The following USH2A variants were observed in gnomAD, a reference collection of about 807,000 sequenced individuals.
The protein encoded by USH2A is Usher syndrome 2A (autosomal recessive, mild).
In USH2A, 443 loss-of-function variants were observed where a neutral mutation model predicts 538.9. The ratio of observed to expected loss-of-function variants is 0.82; its 90% CI spans 0.76 to 0.89. The LOEUF is 0.89. Among genes scored for constraint, USH2A ranks in the 40% least tolerant of loss-of-function variants. The pLI is 0.00. For synonymous variants in USH2A, 2,413 were observed against 2,273.5 expected, an observed-to-expected ratio of 1.06 and a Z score of -1.75; for missense variants, 6,633 against 6,324.8, an observed-to-expected ratio of 1.05 and a Z score of -1.65.
intron 38 of USH2A, among the ~76,000 whole-genome samples, chr1:215,924,874 T>C (rs920799496): frequency 1.3e-5 from 2 of 152,042 alleles, no homozygotes; most frequent in African/African-American, 4.8e-5. Context: ...ATAATCCACA[T>C]GAGAGTATGC....
In USH2A at chr1:215,759,787, A is replaced by C; in HGVS notation, c.11104T>G (p.Trp3702Gly). ...CCATTGGGCTTTTCTGGCAGACTCC[A>C]ATATAATTCCACTGTTGTAGAATTG... ...IINSTTVELYWSLPEKPNGLV... is the reference protein window; with the variant it reads ...IINSTTVELYGSLPEKPNGLV... The change falls in exon 57 of 72, where the codon TGG becomes GGG. Residue 3702 changes from tryptophan to glycine, a missense_variant. Physicochemically the swap from Trp to Gly is radical, Grantham distance 184. Transcript: ENST00000307340. 6.2e-7 allele frequency: 1 copy of C among 1,614,038 alleles called. No individual in the cohort carries two copies. The highest frequency in any genetic ancestry group is 8.5e-7 in the Non-Finnish European group (1 of 1,179,948).
At chr1:215,876,231 C>T (rs569030516) in intron 43 of USH2A, among the ~76,000 whole-genome samples, 146 of 152,200 alleles carry the variant, frequency 9.6e-4, no homozygotes, top group Non-Finnish European at 1.6e-3. Flanking sequence ...GGATAAGCAA[C>T]ATGGATCTGC....
chr1:215,923,236 G>A (rs1240807662), intron 38 of USH2A, among the ~76,000 whole-genome samples: 1 of 151,986 alleles, frequency 6.6e-6, no homozygotes. Flanking sequence ...GATGGGTAGT[G>A]GGTTCCTGTA....
At chr1:215,670,930 GCAAA>G in intron 64 of USH2A, 38 bp downstream of exon 64, 1 of 1,597,002 alleles carries the variant, frequency 6.3e-7, no homozygotes, top group South Asian at 1.1e-5. Flanking sequence ...GCTGACGGGT[GCAAA>G]CAATCAGCTC....
chr1:216,285,898 C>A (rs2036873922), intron 11 of USH2A, among the ~76,000 whole-genome samples: 1 of 152,210 alleles, frequency 6.6e-6, no homozygotes, highest in Admixed American at 6.5e-5. Flanking sequence ...TGGCCAATTT[C>A]TCCTATTTGG....
chr1:216,375,751 A>G (rs989427562), intron 3 of USH2A, among the ~76,000 whole-genome samples: 1 of 152,132 alleles, frequency 6.6e-6, no homozygotes, highest in Non-Finnish European at 1.5e-5. Context: ...AACTTTCTAC[A>G]TGCCTTCCTC....
chr1:216,300,243 T>C (rs985938401), intron 9 of USH2A, among the ~76,000 whole-genome samples: 12 of 152,242 alleles, frequency 7.9e-5, no homozygotes, highest in African/African-American at 2.9e-4. Flanking sequence ...GTGTATCTTA[T>C]ATTTTAGGCA....
chr1:216,376,577 TA>T (rs1422672557), intron 3 of USH2A, among the ~76,000 whole-genome samples: 2 of 152,204 alleles, frequency 1.3e-5, no homozygotes, highest in Non-Finnish European at 2.9e-5. Flanking sequence ...TATAGTTTTT[TA>T]AAAATCTCTT....
rs537507593 is a variant in USH2A at position 216,106,095 on chromosome 1, T to A, written c.4628-8882A>T. Among the ~76,000 whole-genome samples the A allele has an allele frequency of 1.4e-4, 21 of 149,982 alleles. No homozygotes were observed. The East Asian group carries it at 3.7e-3, about 26-fold the overall frequency. ...GTATTGTTTTAGCAGTGGCTAGAACTACTGGTAAAGTTTGAACGAAAACTT... is the reference window on the plus strand; with the variant it reads ...GTATTGTTTTAGCAGTGGCTAGAACAACTGGTAAAGTTTGAACGAAAACTT... On this transcript the variant is annotated intron_variant, in intron 21 of 71. Coordinates refer to ENST00000307340, the MANE Select transcript of USH2A (RefSeq NM_206933.4).
intron 55 of USH2A, among the ~76,000 whole-genome samples, chr1:215,774,568 T>C (rs11577796): frequency 1.4e-3 from 213 of 152,196 alleles, no homozygotes; most frequent in Non-Finnish European, 2.4e-3. Context: ...TTTTCCTCTT[T>C]CAAGTTCAGT....
chr1:216,084,559 G>A, intron 25 of USH2A, 139 bp downstream of exon 25: 1 of 824,294 alleles, frequency 1.2e-6, no homozygotes, highest in South Asian at 1.7e-5. Flanking sequence ...ATATATTTGT[G>A]TGCACCATTG....
At chr1:216,172,359 T>A (rs1332917116) in intron 21 of USH2A, among the ~76,000 whole-genome samples, 1 of 152,098 alleles carries the variant, frequency 6.6e-6, no homozygotes, top group Non-Finnish European at 1.5e-5. Flanking sequence ...TACATCAACC[T>A]TATATTTGTA....
intron 41 of USH2A, among the ~76,000 whole-genome samples, chr1:215,884,417 G>T (rs1664996449): frequency 6.6e-6 from 1 of 152,098 alleles, no homozygotes; most frequent in African/African-American, 2.4e-5. Flanking sequence ...AAGAAGTAGA[G>T]AAGAACATAG....
At position 215,728,344 on chromosome 1, in the gene USH2A, A is replaced by G. The variant is rs934833728; in HGVS notation, c.11752T>C (p.Trp3918Arg). 1 of 1,614,236 alleles carries G rather than the reference A, an allele frequency of 6.2e-7. No individual in the cohort carries two copies. The change falls in exon 61 of 72, where the codon TGG becomes CGG. Residue 3918 changes from tryptophan to arginine, a missense_variant. Coordinates refer to ENST00000307340, the MANE Select transcript of USH2A (RefSeq NM_206933.4). ...ATAAATTCAAGGGCTCCTTCTGACC[A>G]GACAAATAAAACAGACTCCTCTTCA... Reference protein sequence around the residue: ...GIEEESVLFVWSEGALEFMDE... With the variant: ...GIEEESVLFVRSEGALEFMDE...
intron 13 of USH2A, among the ~76,000 whole-genome samples, chr1:216,239,070 A>G (rs1380320948): frequency 1.3e-5 from 2 of 151,848 alleles, no homozygotes; most frequent in Admixed American, 6.6e-5. Context: ...TCTCTTTTCA[A>G]TGCAAGTTTT....
At chr1:216,067,074 G>A (rs2031399681) in intron 30 of USH2A, among the ~76,000 whole-genome samples, 1 of 152,128 alleles carries the variant, frequency 6.6e-6, no homozygotes, top group South Asian at 2.1e-4. Flanking sequence ...AGTAGGGGGA[G>A]ACCCAGACAA....
intron 3 of USH2A, among the ~76,000 whole-genome samples, chr1:216,412,303 A>G (rs2039502323): frequency 1.3e-5 from 2 of 152,094 alleles, no homozygotes; most frequent in African/African-American, 4.8e-5. Flanking sequence ...AAACGTACAG[A>G]GAATAATTAC....
intron 60 of USH2A, among the ~76,000 whole-genome samples, chr1:215,730,542 G>C (rs1659964341): frequency 6.6e-6 from 1 of 152,166 alleles, no homozygotes; most frequent in African/African-American, 2.4e-5. Flanking sequence ...ACACTCTTCA[G>C]ATGCTGAAAA....
Position 215,844,274 on chromosome 1 carries a change from TCAAAAAA to T in USH2A, c.9258+13_9258+19del. 1 of 1,611,404 alleles carries T rather than the reference TCAAAAAA, an allele frequency of 6.2e-7. No homozygotes were observed. The highest frequency in any genetic ancestry group is 1.1e-5 in the South Asian group (1 of 90,988). On this transcript the variant is annotated intron_variant, in intron 46 of 71. Transcript: ENST00000307340. ...TTTAACATATCCATAAGCCTAACCA[TCAAAAAA>T]CAATGTTCTAACCTGAATGTCATAG...
Sources: gnomAD v4.1 joint callset for allele counts (sites outside exome capture counted in the v4.1 genomes callset) on GRCh38, gnomAD v4.1.1 for gene constraint, MANE v1.5 for transcripts, NCBI Gene and HGNC (gene_info 2026-07-23, HGNC 2026-07-21) for gene names.